Variants in ELOVL6 observed in about 807,000 individuals in gnomAD.
ELOVL6 encodes the protein very long chain fatty acid elongase 6.
Under a neutral mutation model 31.7 loss-of-function variants are expected in ELOVL6, and 8 were observed. The ratio of observed to expected loss-of-function variants is 0.25; its 90% CI spans 0.15 to 0.45. ELOVL6 has a LOEUF of 0.45. Among genes scored for constraint, ELOVL6 ranks in the 20% least tolerant of loss-of-function variants. ELOVL6 has a pLI of 1.00. For synonymous variants in ELOVL6, 101 were observed against 117.7 expected (o/e 0.86, Z 0.92); for missense variants, 126 against 326.4 (o/e 0.39, Z 4.73).
intron 2 of ELOVL6, among the ~76,000 whole-genome samples, chr4:110,089,417 T>C (rs1756357467): frequency 6.6e-6 from 1 of 152,178 alleles, no homozygotes; most frequent in Non-Finnish European, 1.5e-5. Context: ...TCCTCAGGGC[T>C]GACTGCAGGC....
chr4:110,167,375 T>C (rs1375969019), intron 1 of ELOVL6, among the ~76,000 whole-genome samples: 1 of 152,226 alleles, frequency 6.6e-6, no homozygotes, highest in Admixed American at 6.5e-5. Context: ...GCCTTGTTAT[T>C]ATACATGCTG....
At chr4:110,190,548 A>G (rs1466633549) in intron 1 of ELOVL6, among the ~76,000 whole-genome samples, 1 of 152,192 alleles carries the variant, frequency 6.6e-6, no homozygotes, top group Non-Finnish European at 1.5e-5. Context: ...TCTGTTGCCC[A>G]GGCTGGAGTG....
At chr4:110,186,735 T>G (rs377414093) in intron 1 of ELOVL6, among the ~76,000 whole-genome samples, 1 of 140,454 alleles carries the variant, frequency 7.1e-6, no homozygotes, top group East Asian at 2.1e-4. Flanking sequence ...ACCCAGGAGG[T>G]GGAGGTTGCA....
chr4:110,120,832 G>A (rs1332304274), intron 1 of ELOVL6, among the ~76,000 whole-genome samples: 6 of 121,500 alleles, frequency 4.9e-5, no homozygotes, highest in East Asian at 4.9e-4. Context: ...ACAGAGTCTC[G>A]CTCTATCCCC....
At chr4:110,053,776 A>G (rs1754898512) in intron 3 of ELOVL6, among the ~76,000 whole-genome samples, 2 of 152,172 alleles carry the variant, frequency 1.3e-5, no homozygotes, top group African/African-American at 4.8e-5. Flanking sequence ...CATCTCTACT[A>G]TAAAATTAAA....
chr4:110,058,684 C>T (rs955394564), intron 3 of ELOVL6, among the ~76,000 whole-genome samples: 4 of 152,078 alleles, frequency 2.6e-5, no homozygotes, highest in Admixed American at 1.3e-4. Flanking sequence ...TAGGTTGGTG[C>T]AAAAGTTAAC....
At chr4:110,081,628 A>G (rs1755854698) in intron 2 of ELOVL6, among the ~76,000 whole-genome samples, 1 of 150,800 alleles carries the variant, frequency 6.6e-6, no homozygotes, top group South Asian at 2.2e-4. Flanking sequence ...TAGACCTAAA[A>G]CCATAAAAAC....
intron 1 of ELOVL6, among the ~76,000 whole-genome samples, chr4:110,148,183 CA>C (rs545131234): frequency 2.1e-4 from 32 of 149,456 alleles, no homozygotes; most frequent in African/African-American, 7.9e-4. Flanking sequence ...AGACATTTTT[CA>C]AAAGACAAAC....
intron 1 of ELOVL6, among the ~76,000 whole-genome samples, chr4:110,120,661 A>G (rs1560831832): frequency 2.0e-5 from 3 of 152,150 alleles, no homozygotes; most frequent in African/African-American, 7.2e-5. Flanking sequence ...ACTATATTCT[A>G]GGTACTGATG....
At chr4:110,189,534 C>T (rs1038452973) in intron 1 of ELOVL6, among the ~76,000 whole-genome samples, 1 of 122,836 alleles carries the variant, frequency 8.1e-6, no homozygotes, top group Non-Finnish European at 1.6e-5. Context: ...TTGCAGTGAA[C>T]TAACAGCCAA....
At chr4:110,123,046 G>T (rs1226558041) in intron 1 of ELOVL6, among the ~76,000 whole-genome samples, 1 of 152,072 alleles carries the variant, frequency 6.6e-6, no homozygotes, top group Non-Finnish European at 1.5e-5. Context: ...ATCCTGAAGG[G>T]TACAGATTGT....
chr4:110,141,855 G>GTATATA lies in ELOVL6; in HGVS notation c.90-36233_90-36228dup, dbSNP rs57733252. ...TATATACACTAACACAATACAATTA[G>GTATATA]TATATATATATATATATATACTAAT... On this transcript the variant is annotated intron_variant, in intron 1 of 3. Transcript: ENST00000302274. 5.6e-3 allele frequency among the ~76,000 whole-genome samples: 715 copies of GTATATA among 126,614 alleles called. 9 individuals are homozygous for GTATATA. The highest frequency in any genetic ancestry group is 0.026 in the Middle Eastern group (6 of 232). 83.1% of individuals were successfully genotyped at this position (126,614 alleles called of 152,430 possible).
At chr4:110,198,671 C>T (rs1192776335), upstream of ELOVL6, 3 of 233,326 alleles carry the variant, frequency 1.3e-5, no homozygotes, top group African/African-American at 2.3e-5. Context: ...TCTCCTCCCC[C>T]TCGTGCGATT....
At chr4:110,105,695 G>A (rs1055012985) in intron 1 of ELOVL6, 67 bp from the exon 2 acceptor site, 2 of 1,460,330 alleles carry the variant, frequency 1.4e-6, no homozygotes, top group East Asian at 2.4e-5. Context: ...TTTTGTACCA[G>A]TTCTCCTCTT....
At chr4:110,105,441 T>C (rs1756860927) in intron 2 of ELOVL6, 56 bp downstream of exon 2, 1 of 1,510,634 alleles carries the variant, frequency 6.6e-7, no homozygotes, top group African/African-American at 1.4e-5. Flanking sequence ...ATCATTGCAT[T>C]CTTTCAGCAA....
At chr4:110,054,025 G>A (rs1754907610) in intron 3 of ELOVL6, among the ~76,000 whole-genome samples, 1 of 152,020 alleles carries the variant, frequency 6.6e-6, no homozygotes, top group Non-Finnish European at 1.5e-5. Context: ...ACTTGAACCT[G>A]GGGAGGCGGA....
At chr4:110,080,241 T>G (rs1001749527) in intron 2 of ELOVL6, among the ~76,000 whole-genome samples, 4 of 152,234 alleles carry the variant, frequency 2.6e-5, no homozygotes, top group Non-Finnish European at 5.9e-5. Context: ...ACTCATTTTA[T>G]GAGGCCAGCA....
chr4:110,150,124 C>A (rs551992535), intron 1 of ELOVL6, among the ~76,000 whole-genome samples: 2 of 152,226 alleles, frequency 1.3e-5, no homozygotes, highest in African/African-American at 4.8e-5. Flanking sequence ...GTGGCCCAGG[C>A]TGGTCCTGAA....
chr4:110,127,825 G>A (rs1206536908), intron 1 of ELOVL6, among the ~76,000 whole-genome samples: 1 of 152,104 alleles, frequency 6.6e-6, no homozygotes, highest in African/African-American at 2.4e-5. Flanking sequence ...CCTAAGCATT[G>A]AGAATAGTTA....
Sources: gnomAD v4.1 joint callset for allele counts (sites outside exome capture counted in the v4.1 genomes callset) on GRCh38, gnomAD v4.1.1 for gene constraint, MANE v1.5 for transcripts, NCBI Gene and HGNC (gene_info 2026-07-23, HGNC 2026-07-21) for gene names.